The following ACACB variants were observed in gnomAD, a reference collection of about 807,000 sequenced individuals.
ACACB encodes the protein acetyl-CoA carboxylase beta.
ACACB carries 209 observed loss-of-function variants against 278.8 expected under a neutral mutation model. The ratio of observed to expected loss-of-function variants is 0.75; its 90% CI spans 0.67 to 0.84. The LOEUF is 0.84. Among genes scored for constraint, ACACB ranks in the 40% least tolerant of loss-of-function variants. The probability of loss-of-function intolerance (pLI) is 0.00; values close to 1 mark genes in which losing one functional copy is unlikely to be tolerated. For missense variants in ACACB, 2,850 were observed against 3,269.0 expected (o/e 0.87, Z 3.13); for synonymous variants, 1,174 against 1,285.6 (o/e 0.91, Z 1.86).
intron 16 of ACACB, among the ~76,000 whole-genome samples, chr12:109,196,622 G>A (rs1159995793): frequency 2.6e-5 from 4 of 152,130 alleles, no homozygotes; most frequent in South Asian, 2.1e-4. Context: ...TGAATTTTGC[G>A]GGGACACAAA....
At chr12:109,237,425 T>G (rs1269986882) in intron 34 of ACACB, 45 bp downstream of exon 34, 105 of 1,550,310 alleles carry the variant, frequency 6.8e-5, no homozygotes, top group Non-Finnish European at 8.4e-5. Flanking sequence ...AACCTGGCCC[T>G]CCCTTCCTTA....
intron 36 of ACACB, chr12:109,241,642 T>C: frequency 3.5e-6 from 1 of 281,880 alleles, no homozygotes; most frequent in Non-Finnish European, 7.0e-6. Flanking sequence ...CCACCACGCC[T>C]GGCCATATGG....
In ACACB at chr12:109,266,271, G is replaced by A. The variant is rs2047515702; in HGVS notation, c.7286G>A (p.Cys2429Tyr). The change falls in exon 53 of 53, where the codon TGT (cysteine) becomes TAT (tyrosine). Residue 2429 changes from cysteine (C) to tyrosine (Y), a missense_variant. Physicochemically the swap from Cys to Tyr is radical, Grantham distance 194. This residue lies in a region of ACACB where 579 missense variants were observed against 684.6 expected (regional missense o/e 0.85). Coordinates refer to ENST00000338432, the MANE Select transcript of ACACB (RefSeq NM_001093.4). ...GAAAACCCCGAGGTGGCCGTGGACTGTGTGATATACCTGAGCCAGCACATC... is the reference window on the plus strand; with the variant it reads ...GAAAACCCCGAGGTGGCCGTGGACTATGTGATATACCTGAGCCAGCACATC... ...VEENPEVAVDCVIYLSQHISP... is the reference protein window; with the variant it reads ...VEENPEVAVDYVIYLSQHISP... 3.1e-6 allele frequency: 5 copies of A among 1,613,698 alleles called. No individual in the cohort carries two copies. Among genetic ancestry groups the A allele is most frequent in the Non-Finnish European group, 4.2e-6 (5 of 1,179,934 alleles).
chr12:109,262,965 T>TATATATATAG (rs2047421041), intron 49 of ACACB: 1 of 132,106 alleles, frequency 7.6e-6, no homozygotes, highest in Non-Finnish European at 1.7e-5. Flanking sequence ...TATATATATA[T>TATATATATAG]ATATATATAT....
chr12:109,125,646 A>C (rs181000146), intron 1 of ACACB: 1 of 152,216 alleles, frequency 6.6e-6, no homozygotes, highest in African/African-American at 2.4e-5. Context: ...AAATGGTAGC[A>C]CACTCTTTCA....
chr12:109,166,667 AAAAAAAAAAAC>A (rs1263521799), intron 2 of ACACB, among the ~76,000 whole-genome samples, 183 bp from the exon 3 acceptor site: 14 of 145,122 alleles, frequency 9.6e-5, no homozygotes, highest in African/African-American at 2.2e-4. Flanking sequence ...AAAAAAAAAA[AAAAAAAAAAAC>A]CGAAGGTGCT....
Position 109,237,418 on chromosome 12 carries a change from C to G in ACACB, c.4662+38C>G, listed in dbSNP as rs773577062. 3.8e-6 allele frequency: 6 copies of G among 1,562,110 alleles called. No individual in the cohort carries two copies. In the Middle Eastern group the frequency reaches 5.0e-4, roughly 131 times the overall value. On this transcript the variant is annotated intron_variant, in intron 34 of 52. Transcript: ENST00000338432. ...AGAGCATTTCTTCCTCTCTCAGAAC[C>G]TGGCCCTCCCTTCCTTACATTCCTG...
chr12:109,143,365 A>C (rs2043164834), intron 2 of ACACB, among the ~76,000 whole-genome samples: 1 of 148,334 alleles, frequency 6.7e-6, no homozygotes, highest in Non-Finnish European at 1.5e-5. Flanking sequence ...AGGGAGGCTG[A>C]GGTGGGAGAA....
At chr12:109,207,466 T>G (rs1390577966) in intron 20 of ACACB, among the ~76,000 whole-genome samples, 1 of 152,156 alleles carries the variant, frequency 6.6e-6, no homozygotes, top group Non-Finnish European at 1.5e-5. Context: ...GAAACACACC[T>G]CTGTTCGTCA....
intron 36 of ACACB, chr12:109,242,207 G>A: frequency 2.0e-6 from 1 of 497,114 alleles, no homozygotes; most frequent in Non-Finnish European, 3.6e-6. Context: ...GTGATGCCTT[G>A]ATCACTGTAT....
chr12:109,264,914 C>T (rs559235219), intron 50 of ACACB, among the ~76,000 whole-genome samples, 196 bp from the exon 51 acceptor site: 2 of 152,306 alleles, frequency 1.3e-5, no homozygotes, highest in South Asian at 4.1e-4. Flanking sequence ...TATGGCCAGT[C>T]TGGAGTCCTG....
At chr12:109,140,971 T>G (rs77085104) in intron 2 of ACACB, among the ~76,000 whole-genome samples, 9,354 of 143,488 alleles carry the variant, frequency 0.065, 372 homozygotes, top group Non-Finnish European at 0.083. Context: ...GGATCATAGC[T>G]CACTACAACC....
chr12:109,232,927 T>C (rs1342432027), intron 29 of ACACB, 121 bp downstream of exon 29: 1 of 1,199,572 alleles, frequency 8.3e-7, no homozygotes, highest in Non-Finnish European at 1.2e-6. Context: ...TGGCACAGCA[T>C]GTCAATAACA....
rs143336092 is a variant in ACACB, at chr12:109,233,917, C to T, written c.4240-21C>T. The stretch of plus-strand genomic sequence containing the variant: ...GTGGCCCCCAGGCTTTCCAGCCCTA[C>T]CCCTTGCTTCTCCCTCTCAGAGCCT... On this transcript the variant is annotated intron_variant, in intron 30 of 52. Coordinates refer to ENST00000338432, the MANE Select transcript of ACACB (RefSeq NM_001093.4). 1.5e-4 allele frequency: 247 copies of T among 1,613,528 alleles called. No homozygotes were observed. The African/African-American group carries it at 2.9e-3, about 19-fold the overall frequency.
Position 109,253,499 on chromosome 12 carries a change from G to A in ACACB, c.6045+341G>A, listed in dbSNP as rs570458482. Among the ~76,000 whole-genome samples, 4 of 152,220 alleles carry A rather than the reference G, an allele frequency of 2.6e-5. No individual in the cohort carries two copies. In the South Asian group the frequency reaches 8.3e-4, roughly 32 times the overall value. On this transcript the variant is annotated intron_variant, in intron 43 of 52. Transcript: ENST00000338432. The stretch of plus-strand genomic sequence containing the variant: ...GGATTTGATTCCTGCCTTCCTCCTC[G>A]GTAGCTGTAAGACACTGGGAGAGTC...
chr12:109,255,078 T>C (rs1444661779), intron 44 of ACACB, among the ~76,000 whole-genome samples: 1 of 151,744 alleles, frequency 6.6e-6, no homozygotes, highest in Non-Finnish European at 1.5e-5. Context: ...CCTGGCCAAT[T>C]TTACCTCTTC....
intron 31 of ACACB, among the ~76,000 whole-genome samples, chr12:109,234,403 T>C (rs75305566): frequency 0.055 from 8,431 of 152,262 alleles, 260 homozygotes; most frequent in Non-Finnish European, 0.074. Flanking sequence ...CTTACATTGA[T>C]GACCAAGTGT....
intron 28 of ACACB, 104 bp from the exon 29 acceptor site, chr12:109,232,565 G>A: frequency 1.4e-6 from 2 of 1,415,938 alleles, no homozygotes; most frequent in Non-Finnish European, 9.6e-7. Flanking sequence ...ATTTGGAAGA[G>A]CTCTAAATCT....
intron 1 of ACACB, among the ~76,000 whole-genome samples, chr12:109,137,386 A>T (rs1654885): frequency 6.6e-6 from 1 of 152,028 alleles, no homozygotes; most frequent in African/African-American, 2.4e-5. Flanking sequence ...ATGGCAGGGC[A>T]CAGTGTCTCA....
Sources: gnomAD v4.1 joint callset for allele counts (sites outside exome capture counted in the v4.1 genomes callset) on GRCh38, gnomAD v4.1.1 for gene constraint, gnomAD v4.1.1 regional missense constraint, MANE v1.5 for transcripts, NCBI Gene and HGNC (gene_info 2026-07-23, HGNC 2026-07-21) for gene names.